The following UBAC2 variants were observed in gnomAD, a reference collection of about 807,000 sequenced individuals.
UBAC2 encodes UBA domain containing 2.
A neutral mutation model predicts 44.0 loss-of-function variants in UBAC2; 26 were observed. The ratio of observed to expected loss-of-function variants is 0.59; its 90% CI spans 0.43 to 0.82. The LOEUF (loss-of-function observed/expected upper bound fraction) is 0.82. UBAC2 is among the 40% of genes least tolerant of loss of function. The pLI is 0.00. For synonymous variants in UBAC2, 155 were observed against 154.3 expected, an observed-to-expected ratio of 1.00 and a Z score of -0.04; for missense variants, 329 against 419.4, an observed-to-expected ratio of 0.78 and a Z score of 1.88.
At chr13:99,292,359 G>T (rs970114354) in intron 4 of UBAC2, among the ~76,000 whole-genome samples, 18 of 151,836 alleles carry the variant, frequency 1.2e-4, no homozygotes, top group African/African-American at 4.3e-4. Flanking sequence ...AGCCAGGATG[G>T]TCTCAATCTC....
At chr13:99,231,346 A>G (rs992168981) in intron 1 of UBAC2, 3 of 150,222 alleles carry the variant, frequency 2.0e-5, no homozygotes, top group Admixed American at 6.6e-5. Flanking sequence ...TTATAACCTG[A>G]TAACATTTGA....
intron 4 of UBAC2, among the ~76,000 whole-genome samples, chr13:99,312,255 C>T (rs2044421649): frequency 6.6e-6 from 1 of 152,172 alleles, no homozygotes; most frequent in Non-Finnish European, 1.5e-5. Context: ...AAAATGGCAC[C>T]AAGGACAGTT....
chr13:99,362,482 T>C (rs2045278046), intron 7 of UBAC2, among the ~76,000 whole-genome samples: 1 of 152,216 alleles, frequency 6.6e-6, no homozygotes, highest in Non-Finnish European at 1.5e-5. Context: ...CATCAGCAAC[T>C]TATCAGAGTT....
chr13:99,268,626 A>AG (rs1456335239), intron 4 of UBAC2, among the ~76,000 whole-genome samples: 194 of 141,774 alleles, frequency 1.4e-3, no homozygotes, highest in Middle Eastern at 7.2e-3. Context: ...AAAAAAAAAA[A>AG]AAAAAAAAGA....
chr13:99,259,961 C>G (rs1263162933), intron 4 of UBAC2, among the ~76,000 whole-genome samples: 1 of 152,228 alleles, frequency 6.6e-6, no homozygotes, highest in Non-Finnish European at 1.5e-5. Context: ...CTCCATAGGC[C>G]TGGCTTCAGG....
At chr13:99,342,640 C>T (rs1169015586) in intron 7 of UBAC2, among the ~76,000 whole-genome samples, 1 of 152,196 alleles carries the variant, frequency 6.6e-6, no homozygotes, top group East Asian at 1.9e-4. Context: ...GAGCCACAGT[C>T]ATTCTGTCCA....
intron 4 of UBAC2, among the ~76,000 whole-genome samples, chr13:99,290,741 A>G (rs558325585): frequency 2.8e-4 from 43 of 151,676 alleles, no homozygotes; most frequent in Middle Eastern, 3.4e-3. Flanking sequence ...AAAAAAAAAA[A>G]AAAGAAAGAA....
intron 7 of UBAC2, among the ~76,000 whole-genome samples, chr13:99,357,691 A>C (rs1473805035): frequency 6.6e-6 from 1 of 152,182 alleles, no homozygotes; most frequent in Admixed American, 6.5e-5. Context: ...GTATTAGAAG[A>C]GGATGCTATG....
chr13:99,255,169 A>T, intron 4 of UBAC2: 1 of 1,614,138 alleles, frequency 6.2e-7, no homozygotes, highest in Admixed American at 1.7e-5. Flanking sequence ...CAGCAGCGTG[A>T]TGATGATCCT....
intron 5 of UBAC2, among the ~76,000 whole-genome samples, chr13:99,316,568 A>G (rs1009815022): frequency 2.6e-5 from 4 of 152,180 alleles, no homozygotes; most frequent in East Asian, 1.9e-4. Context: ...AAGCCATCCA[A>G]TACTTAAATC....
intron 4 of UBAC2, among the ~76,000 whole-genome samples, chr13:99,263,514 A>G (rs2138648902): frequency 6.6e-6 from 1 of 152,370 alleles, no homozygotes; most frequent in Middle Eastern, 3.4e-3. Context: ...AAGTGCTGGC[A>G]AGGATGTTGA....
In UBAC2 at chr13:99,314,091, G is replaced by T. The variant is rs1442298669; in HGVS notation, c.390-6G>T. 3 of 1,592,436 alleles carry T rather than the reference G, an allele frequency of 1.9e-6. No individual in the cohort carries two copies. Among genetic ancestry groups the T allele is most frequent in the Admixed American group, 1.8e-5 (1 of 54,526 alleles). ...TATAGTGATTTTTTTTTATTTGTTT[G>T]CATAGCCTGGCACCTGTGTTTGCTC... On this transcript the variant is annotated splice_polypyrimidine_tract_variant and splice_region_variant and intron_variant, in intron 4 of 8. Coordinates refer to ENST00000403766, the MANE Select transcript of UBAC2 (RefSeq NM_001144072.2).
In UBAC2 at chr13:99,385,648, C is replaced by T. The variant is rs1257149536; in HGVS notation, c.*313C>T. 6.3e-6 allele frequency: 2 copies of T among 318,012 alleles called. No individual in the cohort carries two copies. The highest frequency in any genetic ancestry group is 2.1e-5 in the African/African-American group (1 of 48,238). 19.7% of individuals were successfully genotyped at this position (318,012 alleles called of 1,614,324 possible). A position where few individuals can be genotyped will look rare whatever the true frequency, so the allele number is the denominator to read the frequency against. On this transcript the variant is annotated 3_prime_UTR_variant, in exon 9 of 9. Coordinates refer to ENST00000403766, the MANE Select transcript of UBAC2 (RefSeq NM_001144072.2). ...AAGATTTCTGCAGGCAGTTGAATGG[C>T]ACTCCAGATGGGGAATTGCTGTAAC...
intron 1 of UBAC2, among the ~76,000 whole-genome samples, chr13:99,220,865 G>A (rs1045489637): frequency 2.0e-5 from 3 of 151,844 alleles, no homozygotes; most frequent in African/African-American, 7.3e-5. Flanking sequence ...TTTTCTAATT[G>A]TCAAAATCGA....
At chr13:99,201,009 G>A in intron 1 of UBAC2, 70 bp downstream of exon 1, 1 of 1,296,422 alleles carries the variant, frequency 7.7e-7, no homozygotes, top group Non-Finnish European at 9.9e-7. Flanking sequence ...GAGGAGGCTG[G>A]GGCAGCGGGG....
At chr13:99,357,972 G>C (rs2045212039) in intron 7 of UBAC2, among the ~76,000 whole-genome samples, 1 of 152,246 alleles carries the variant, frequency 6.6e-6, no homozygotes. Flanking sequence ...AACAGGACAA[G>C]ATGGAGAATC....
At chr13:99,304,022 C>T (rs999251878) in intron 4 of UBAC2, among the ~76,000 whole-genome samples, 2 of 152,126 alleles carry the variant, frequency 1.3e-5, no homozygotes, top group African/African-American at 4.8e-5. Context: ...CTGCCCGCAG[C>T]CACGGCAGCA....
chr13:99,360,613 C>G (rs546419748), intron 7 of UBAC2, among the ~76,000 whole-genome samples: 9 of 152,320 alleles, frequency 5.9e-5, no homozygotes, highest in African/African-American at 2.2e-4. Flanking sequence ...TATAAACCCA[C>G]TTAGGCCCCT....
At chr13:99,228,669 A>G (rs2043139503) in intron 1 of UBAC2, among the ~76,000 whole-genome samples, 2 of 152,224 alleles carry the variant, frequency 1.3e-5, no homozygotes, top group South Asian at 4.2e-4. Context: ...TTTACAGGTG[A>G]GGAAAATTGA....
Sources: gnomAD v4.1 joint callset for allele counts (sites outside exome capture counted in the v4.1 genomes callset) on GRCh38, gnomAD v4.1.1 for gene constraint, MANE v1.5 for transcripts, NCBI Gene and HGNC (gene_info 2026-07-23, HGNC 2026-07-21) for gene names.